The following ZFAT variants were observed in gnomAD, a reference collection of about 807,000 sequenced individuals.
ZFAT encodes the protein zinc finger protein ZFAT.
In ZFAT, 64 loss-of-function variants were observed where a neutral mutation model predicts 117.7. The observed-to-expected ratio is 0.54, with a 90% confidence interval of 0.44 to 0.67. The LOEUF is 0.67. Ranked by LOEUF, ZFAT falls within the 30% of genes least tolerant of loss-of-function variation. The probability of loss-of-function intolerance (pLI) is 0.00; values close to 1 mark genes in which losing one functional copy is unlikely to be tolerated. For missense variants in ZFAT, 1,433 were observed against 1,584.5 expected, an observed-to-expected ratio of 0.90 and a Z score of 1.62; for synonymous variants, 679 against 615.0, an observed-to-expected ratio of 1.10 and a Z score of -1.54.
At chr8:134,636,363 A>T (rs1830211687) in intron 3 of ZFAT, among the ~76,000 whole-genome samples, 1 of 152,218 alleles carries the variant, frequency 6.6e-6, no homozygotes. Context: ...CCATGTGGTT[A>T]TGAACGGCTC....
intron 15 of ZFAT, among the ~76,000 whole-genome samples, chr8:134,491,169 A>T (rs1286949398): frequency 6.6e-6 from 1 of 152,270 alleles, no homozygotes; most frequent in African/African-American, 2.4e-5. Context: ...TTTCACATGT[A>T]AACACAGAGT....
At chr8:134,525,755 G>A (rs1008183076) in intron 12 of ZFAT, among the ~76,000 whole-genome samples, 7 of 152,210 alleles carry the variant, frequency 4.6e-5, no homozygotes, top group Non-Finnish European at 1.0e-4. Flanking sequence ...AGGCAGAGGA[G>A]GGCACCGAGG....
chr8:134,712,925 G>A lies in ZFAT; in HGVS notation c.-62C>T. 2 of 1,439,292 alleles carry A rather than the reference G, an allele frequency of 1.4e-6. No homozygotes were observed. Among genetic ancestry groups the A allele is most frequent in the Non-Finnish European group, 9.1e-7 (1 of 1,095,268 alleles). The allele number at this position is 1,439,292 out of a possible 1,614,324, so 89.2% of individuals were successfully genotyped here. On this transcript the variant is annotated 5_prime_UTR_variant, in exon 1 of 16. Transcript: ENST00000377838. Reference sequence around the variant, plus strand: ...GCTCTTCCGGGCCCCCTCCCGTGCCGACCGAGGGGGCGGGGCGCCCTGCTG... The same window carrying A: ...GCTCTTCCGGGCCCCCTCCCGTGCCAACCGAGGGGGCGGGGCGCCCTGCTG...
At chr8:134,701,145 G>A (rs968635188) in intron 1 of ZFAT, among the ~76,000 whole-genome samples, 3 of 152,120 alleles carry the variant, frequency 2.0e-5, no homozygotes, top group Admixed American at 6.5e-5. Context: ...TTACAAAACC[G>A]AAACTCTATG....
intron 15 of ZFAT, among the ~76,000 whole-genome samples, chr8:134,494,663 C>T (rs1818301554): frequency 6.6e-6 from 1 of 152,158 alleles, no homozygotes; most frequent in South Asian, 2.1e-4. Context: ...CCCTGGATAA[C>T]CACAGAGCAA....
intron 1 of ZFAT, among the ~76,000 whole-genome samples, chr8:134,665,616 T>A (rs952265844): frequency 1.1e-4 from 16 of 152,188 alleles, no homozygotes; most frequent in African/African-American, 3.9e-4. Flanking sequence ...ATGCTCATGG[T>A]AACAGTAAAC....
intron 3 of ZFAT, among the ~76,000 whole-genome samples, chr8:134,634,309 G>A (rs565084676): frequency 6.6e-6 from 1 of 152,308 alleles, no homozygotes; most frequent in South Asian, 2.1e-4. Context: ...AAAGAATGGA[G>A]GAGGGCCTTC....
chr8:134,648,246 C>T (rs1160553508), intron 2 of ZFAT, among the ~76,000 whole-genome samples: 1 of 149,816 alleles, frequency 6.7e-6, no homozygotes, highest in African/African-American at 2.5e-5. Flanking sequence ...AATAGCCTAC[C>T]CTTTCCAACC....
chr8:134,664,413 AGGGCT>A (rs935567792), intron 1 of ZFAT, among the ~76,000 whole-genome samples: 4 of 152,224 alleles, frequency 2.6e-5, no homozygotes, highest in African/African-American at 9.6e-5. Context: ...TCTTGGACAC[AGGGCT>A]GGCCCTGACA....
intron 1 of ZFAT, among the ~76,000 whole-genome samples, chr8:134,665,364 G>A (rs1017850021): frequency 1.3e-5 from 2 of 152,132 alleles, no homozygotes; most frequent in African/African-American, 2.4e-5. Context: ...GCCTTGAGCT[G>A]GAGTCACAGA....
At chr8:134,791,660 C>T in the ZFAT span, among the ~76,000 whole-genome samples, 1 of 152,150 alleles carries the variant, frequency 6.6e-6, no homozygotes, top group African/African-American at 2.4e-5. Flanking sequence ...CCAGGAAATC[C>T]TCCAATCTAT....
chr8:134,506,854 A>T (rs1321675188), intron 15 of ZFAT, among the ~76,000 whole-genome samples: 1 of 152,244 alleles, frequency 6.6e-6, no homozygotes, highest in African/African-American at 2.4e-5. Context: ...ATCTCAAAAG[A>T]TGCTATCCCA....
At chr8:134,708,810 G>C (rs1212669140) in intron 1 of ZFAT, among the ~76,000 whole-genome samples, 1 of 152,084 alleles carries the variant, frequency 6.6e-6, no homozygotes, top group Non-Finnish European at 1.5e-5. Context: ...AAATTAGCGA[G>C]GCGTGGTGGC....
At chr8:134,531,416 T>TA (rs1230570550) in intron 12 of ZFAT, among the ~76,000 whole-genome samples, 1 of 152,150 alleles carries the variant, frequency 6.6e-6, no homozygotes, top group African/African-American at 2.4e-5. Flanking sequence ...GCGTGGGTCA[T>TA]AAAAAATAAT....
chr8:134,569,716 C>T (rs576248796), intron 10 of ZFAT, among the ~76,000 whole-genome samples: 10 of 152,214 alleles, frequency 6.6e-5, no homozygotes, highest in East Asian at 1.9e-4. Context: ...GATGAGGCTG[C>T]GGGTGCATAC....
the ZFAT span, among the ~76,000 whole-genome samples, chr8:134,771,564 G>A: frequency 6.6e-6 from 1 of 152,140 alleles, no homozygotes; most frequent in East Asian, 1.9e-4. Context: ...GAATTTTATT[G>A]TCCATATCAC....
Position 134,601,894 on chromosome 8 carries a change from G to A in ZFAT, c.1825C>T (p.His609Tyr), listed in dbSNP as rs781638522. The A allele has an allele frequency of 1.1e-5, 17 of 1,613,718 alleles. No individual in the cohort carries two copies. Among genetic ancestry groups the A allele is most frequent in the East Asian group, 2.2e-5 (1 of 44,894 alleles). Reference sequence around the variant, plus strand: ...TCTGGGGGCTTCTCAGGAGCAGCATGAGCCTCTGCGGAGGAGGTATCATTT... The same window carrying A: ...TCTGGGGGCTTCTCAGGAGCAGCATAAGCCTCTGCGGAGGAGGTATCATTT... ...LKNDTSSAEA[H>Y]AAPEKPPDMQ... Residue 609 changes from histidine (H) to tyrosine (Y), a missense_variant, in exon 6 of 16, where the codon CAT (histidine) becomes TAT (tyrosine). His to Tyr is a moderately conservative substitution (Grantham distance 83). Around this residue, in one of 5 missense-constraint regions of ZFAT, gnomAD observed 372 missense variants for 355.6 expected, o/e 1.05. Coordinates refer to ENST00000377838, the MANE Select transcript of ZFAT (RefSeq NM_020863.4).
At chr8:134,594,733 T>C (rs904847501) in intron 7 of ZFAT, 3 of 152,182 alleles carry the variant, frequency 2.0e-5, no homozygotes, top group African/African-American at 7.2e-5. Context: ...TTGTCTTCAT[T>C]TCCAGGGGAT....
chr8:134,580,419 GGCACCT>G (rs1424478744), intron 10 of ZFAT, among the ~76,000 whole-genome samples: 1 of 152,188 alleles, frequency 6.6e-6, no homozygotes, highest in Non-Finnish European at 1.5e-5. Flanking sequence ...AGACAACCAA[GGCACCT>G]GCACAAGCAC....
Sources: allele counts gnomAD v4.1 joint callset (sites outside exome capture counted in the v4.1 genomes callset), GRCh38; gene constraint gnomAD v4.1.1; regional missense constraint gnomAD v4.1.1; transcripts MANE v1.5; gene names NCBI Gene and HGNC (gene_info 2026-07-23, HGNC 2026-07-21).